The following HS3ST4 variants were observed in gnomAD, a reference collection of about 807,000 sequenced individuals.
HS3ST4 encodes the protein heparan sulfate glucosamine 3-O-sulfotransferase 4.
A neutral mutation model predicts 29.2 loss-of-function variants in HS3ST4; 17 were observed. That is an observed-to-expected ratio of 0.58 (90% CI 0.40 to 0.87). The LOEUF is 0.87. HS3ST4 is among the 40% of genes least tolerant of loss of function. The pLI is 0.00. For synonymous variants in HS3ST4, 314 were observed against 285.7 expected, an observed-to-expected ratio of 1.10 and a Z score of -1.00; for missense variants, 627 against 634.5, an observed-to-expected ratio of 0.99 and a Z score of 0.13.
At chr16:25,864,014 C>T (rs558012131) in intron 1 of HS3ST4, among the ~76,000 whole-genome samples, 1 of 75,520 alleles carries the variant, frequency 1.3e-5, no homozygotes, top group East Asian at 3.3e-4. Flanking sequence ...TGCTGCCTGC[C>T]GCCTCTTCGC....
chr16:25,923,493 C>T (rs1968374537), intron 1 of HS3ST4, among the ~76,000 whole-genome samples: 1 of 152,150 alleles, frequency 6.6e-6, no homozygotes, highest in Admixed American at 6.5e-5. Flanking sequence ...GAAATTTTGG[C>T]AGAATAAGAG....
chr16:25,828,012 G>A (rs901706492), intron 1 of HS3ST4, among the ~76,000 whole-genome samples: 1 of 151,828 alleles, frequency 6.6e-6, no homozygotes, highest in East Asian at 1.9e-4. Context: ...TAGGGTCAGG[G>A]GCACATGAGT....
At chr16:26,129,567 C>T (rs895221704) in intron 1 of HS3ST4, among the ~76,000 whole-genome samples, 2 of 152,222 alleles carry the variant, frequency 1.3e-5, no homozygotes, top group East Asian at 3.8e-4. Flanking sequence ...CTATGAGAGT[C>T]ACTCTTCAAG....
intron 1 of HS3ST4, among the ~76,000 whole-genome samples, chr16:25,860,047 T>C: frequency 6.6e-6 from 1 of 152,182 alleles, no homozygotes; most frequent in East Asian, 1.9e-4. Flanking sequence ...TGTGAGCTCC[T>C]TATGAGAATC....
chr16:25,737,373 AAC>A (rs60674942), intron 1 of HS3ST4, among the ~76,000 whole-genome samples: 141,905 of 151,844 alleles, frequency 0.93, 66,359 homozygotes, highest in East Asian at 1. Context: ...CCCACACACA[AAC>A]ACACACACAC....
At chr16:25,849,455 A>G (rs1967497082) in intron 1 of HS3ST4, among the ~76,000 whole-genome samples, 1 of 152,136 alleles carries the variant, frequency 6.6e-6, no homozygotes, top group Non-Finnish European at 1.5e-5. Flanking sequence ...AAGTCCTGTT[A>G]TTTGATGAAT....
chr16:26,061,727 C>T (rs1055202922), intron 1 of HS3ST4, among the ~76,000 whole-genome samples: 1 of 152,160 alleles, frequency 6.6e-6, no homozygotes, highest in Non-Finnish European at 1.5e-5. Flanking sequence ...TGTCATCAGG[C>T]TTTGTTTCTC....
intron 1 of HS3ST4, among the ~76,000 whole-genome samples, chr16:25,742,774 C>T (rs1966663330): frequency 6.6e-6 from 1 of 152,208 alleles, no homozygotes; most frequent in Admixed American, 6.5e-5. Flanking sequence ...TATCTGCCAT[C>T]CTCTGCTTTC....
At chr16:26,093,358 C>A (rs1366677083) in intron 1 of HS3ST4, among the ~76,000 whole-genome samples, 1 of 152,118 alleles carries the variant, frequency 6.6e-6, no homozygotes, top group Non-Finnish European at 1.5e-5. Context: ...ACACCTCATA[C>A]AGGCGGGTGC....
chr16:26,000,000 A>C (rs1011754986), intron 1 of HS3ST4, among the ~76,000 whole-genome samples: 1 of 149,960 alleles, frequency 6.7e-6, no homozygotes, highest in African/African-American at 2.5e-5. Context: ...ATGTTTATCT[A>C]TTCTGTAGAT....
At chr16:25,830,268 G>A (rs1446647408) in intron 1 of HS3ST4, among the ~76,000 whole-genome samples, 1 of 152,224 alleles carries the variant, frequency 6.6e-6, no homozygotes, top group African/African-American at 2.4e-5. Context: ...TGTAAGATCA[G>A]TGCACGTTTC....
chr16:25,944,210 G>C (rs887690597), intron 1 of HS3ST4, among the ~76,000 whole-genome samples: 1 of 152,204 alleles, frequency 6.6e-6, no homozygotes, highest in African/African-American at 2.4e-5. Context: ...GCAGACACTG[G>C]AGAGTGGGTA....
At chr16:25,926,632 C>G (rs1247329280) in intron 1 of HS3ST4, among the ~76,000 whole-genome samples, 2 of 152,206 alleles carry the variant, frequency 1.3e-5, no homozygotes, top group African/African-American at 2.4e-5. Context: ...CCTTATTTAA[C>G]CTTTACTTAA....
At chr16:25,857,907 CCTTCCTTCCTTCCTTT>C (rs1490304270) in intron 1 of HS3ST4, among the ~76,000 whole-genome samples, 3,047 of 55,984 alleles carry the variant, frequency 0.054, 78 homozygotes, top group African/African-American at 0.074. Flanking sequence ...TTTCTTCCTT[CCTTCCTTCCTTCCTTT>C]CTTTCTTTCT....
At chr16:26,119,886 G>A (rs12934457) in intron 1 of HS3ST4, among the ~76,000 whole-genome samples, 124,229 of 152,124 alleles carry the variant, frequency 0.82, 51,394 homozygotes, top group African/African-American at 0.95. Context: ...TATGAACAAG[G>A]TAATTTCAGA....
At chr16:25,784,475 C>T (rs536577122) in intron 1 of HS3ST4, among the ~76,000 whole-genome samples, 6 of 152,280 alleles carry the variant, frequency 3.9e-5, no homozygotes, top group African/African-American at 1.4e-4. Flanking sequence ...TTAAAAGTTC[C>T]ACTCCAGTGA....
chr16:25,943,809 G>A (rs775353529), intron 1 of HS3ST4, among the ~76,000 whole-genome samples: 3 of 152,122 alleles, frequency 2.0e-5, no homozygotes. Flanking sequence ...ACAACGTGGT[G>A]AGATTTAAGA....
Position 25,856,628 on chromosome 16 carries a change from A to G in HS3ST4, c.734+163477A>G, listed in dbSNP as rs190306368. ...TGGGCCATACATAAAATACACTAAC[A>G]CTAACAACAGATAATGAGCTAAAAA... On this transcript the variant is annotated intron_variant, in intron 1 of 1. Coordinates refer to ENST00000331351, the MANE Select transcript of HS3ST4 (RefSeq NM_006040.3). 6.9e-4 allele frequency among the ~76,000 whole-genome samples: 105 copies of G among 152,316 alleles called. 1 individual carries two copies. The East Asian group carries it at 0.019, about 27-fold the overall frequency.
chr16:25,807,179 G>C (rs1412181255), intron 1 of HS3ST4, among the ~76,000 whole-genome samples: 2 of 152,068 alleles, frequency 1.3e-5, no homozygotes, highest in African/African-American at 4.8e-5. Flanking sequence ...TCGCCATGTT[G>C]ACTGGGCTGG....
Sources: gnomAD v4.1 joint callset for allele counts (sites outside exome capture counted in the v4.1 genomes callset) on GRCh38, gnomAD v4.1.1 for gene constraint, MANE v1.5 for transcripts, NCBI Gene and HGNC (gene_info 2026-07-23, HGNC 2026-07-21) for gene names.